The following SLC15A5 variants were observed in gnomAD, a reference collection of about 807,000 sequenced individuals.
SLC15A5 encodes the protein solute carrier family 15 member 5.
SLC15A5 carries 58 observed loss-of-function variants against 56.1 expected under a neutral mutation model. That is an observed-to-expected ratio of 1.03 (90% CI 0.84 to 1.29). The LOEUF is 1.29. Among genes scored for constraint, SLC15A5 ranks in the 50% most tolerant of loss-of-function variants. SLC15A5 has a pLI of 0.00. For missense variants in SLC15A5, 681 were observed against 672.1 expected (o/e 1.01, Z -0.15); for synonymous variants, 264 against 250.5 (o/e 1.05, Z -0.51).
At chr12:16,229,256 G>T (rs779440107) in intron 5 of SLC15A5, among the ~76,000 whole-genome samples, 1 of 152,204 alleles carries the variant, frequency 6.6e-6, no homozygotes, top group Non-Finnish European at 1.5e-5. Flanking sequence ...TCTTGCCTAT[G>T]CTTGTTACTT....
intron 7 of SLC15A5, among the ~76,000 whole-genome samples, chr12:16,214,178 A>G (rs908608067): frequency 5.3e-5 from 8 of 152,246 alleles, no homozygotes; most frequent in Non-Finnish European, 1.0e-4. Flanking sequence ...TAATGCATGT[A>G]AAAGCTCCTA....
Position 16,257,737 on chromosome 12 carries a change from T to G in SLC15A5, c.718A>C (p.Met240Leu). 1 of 1,520,782 alleles carries G rather than the reference T, an allele frequency of 6.6e-7. No individual in the cohort carries two copies. 94.2% of individuals were successfully genotyped at this position (1,520,782 alleles called of 1,614,324 possible). ...SMLMAVITLH[M>L]IYYNLIYQSE... ...TGATAAATTAGGTTGTAGTATATCA[T>G]ATGAAGAGTTATCACAGCCATAAGC... The change falls in exon 3 of 9, where the codon ATG becomes CTG. Residue 240 changes from methionine to leucine, a missense_variant. Coordinates refer to ENST00000344941, the MANE Select transcript of SLC15A5 (RefSeq NM_001170798.1).
chr12:16,202,483 C>T (rs1197148710), intron 7 of SLC15A5, among the ~76,000 whole-genome samples: 2 of 152,092 alleles, frequency 1.3e-5, no homozygotes, highest in African/African-American at 4.8e-5. Context: ...AACCTTAGTA[C>T]ACTGTTGGTG....
At chr12:16,197,879 C>T (rs1457874772) in intron 7 of SLC15A5, among the ~76,000 whole-genome samples, 7 of 151,756 alleles carry the variant, frequency 4.6e-5, no homozygotes, top group Admixed American at 4.6e-4. Context: ...TGTCGTAATT[C>T]ACATTTGTGC....
chr12:16,199,133 G>A (rs147574257), intron 7 of SLC15A5, among the ~76,000 whole-genome samples: 5 of 151,980 alleles, frequency 3.3e-5, no homozygotes, highest in Non-Finnish European at 7.4e-5. Context: ...GAACCAGCCT[G>A]TCACCACAGC....
rs139782386 is a variant in SLC15A5 at position 16,250,429 on chromosome 12, C to A, written c.755-5629G>T. Among the ~76,000 whole-genome samples, 1,130 of 152,020 alleles carry A rather than the reference C, an allele frequency of 7.4e-3. 13 individuals are homozygous for A. The highest frequency in any genetic ancestry group is 0.026 in the African/African-American group (1,077 of 41,478). On this transcript the variant is annotated intron_variant, in intron 3 of 8. Transcript: ENST00000344941. ...AAAAATAAAATAACATTGGTGAATG[C>A]GCTTCATTTTTAAAAATGTAACTCA...
intron 6 of SLC15A5, among the ~76,000 whole-genome samples, chr12:16,218,217 T>C (rs1222116930): frequency 2.6e-5 from 4 of 151,990 alleles, no homozygotes; most frequent in African/African-American, 7.3e-5. Flanking sequence ...CTATTATATA[T>C]GTGTGCCAAA....
chr12:16,233,131 T>G (rs991445882), intron 5 of SLC15A5, among the ~76,000 whole-genome samples: 1 of 152,186 alleles, frequency 6.6e-6, no homozygotes, highest in Non-Finnish European at 1.5e-5. Context: ...CTGACTAATT[T>G]GAGGTAATTT....
intron 7 of SLC15A5, among the ~76,000 whole-genome samples, chr12:16,205,484 G>A (rs867734137): frequency 1.4e-5 from 2 of 148,128 alleles, no homozygotes; most frequent in African/African-American, 5.0e-5. Context: ...AATATTTATA[G>A]CATGAAAAAT....
In SLC15A5 at chr12:16,224,616, A is replaced by G; in HGVS notation, c.1163-14T>C. On this transcript the variant is annotated splice_polypyrimidine_tract_variant and intron_variant, in intron 5 of 8. Transcript: ENST00000344941. ...GATTTCCAGCAACTGAAGGAAAATA[A>G]TGCAAAAGAAAAAAAAGTTAAACGA... The G allele has an allele frequency of 6.6e-7, 1 of 1,521,242 alleles. No individual in the cohort carries two copies. The highest frequency in any genetic ancestry group is 1.2e-5 in the South Asian group (1 of 82,052). The allele number at this position is 1,521,242 out of a possible 1,614,324, so 94.2% of individuals were successfully genotyped here. A position where few individuals can be genotyped will look rare whatever the true frequency, so the allele number is the denominator to read the frequency against.
intron 5 of SLC15A5, among the ~76,000 whole-genome samples, chr12:16,229,191 A>G (rs1199159895): frequency 6.6e-6 from 1 of 152,160 alleles, no homozygotes; most frequent in East Asian, 1.9e-4. Flanking sequence ...AATTCCTTCT[A>G]TGGGTGTCCA....
At chr12:16,267,092 T>TG (rs1214121218) in intron 2 of SLC15A5, among the ~76,000 whole-genome samples, 3 of 152,224 alleles carry the variant, frequency 2.0e-5, no homozygotes, top group Non-Finnish European at 2.9e-5. Flanking sequence ...TTACTTTTGG[T>TG]GATTTGAAGA....
chr12:16,227,227 CG>C (rs1463340947), intron 5 of SLC15A5, among the ~76,000 whole-genome samples: 2 of 152,202 alleles, frequency 1.3e-5, no homozygotes, highest in Non-Finnish European at 2.9e-5. Context: ...CTTCCGTAAA[CG>C]GCTCACATAA....
intron 5 of SLC15A5, among the ~76,000 whole-genome samples, chr12:16,230,897 T>G (rs1032495369): frequency 6.7e-6 from 1 of 149,466 alleles, no homozygotes; most frequent in Non-Finnish European, 1.5e-5. Context: ...CACTCCAGCC[T>G]AGGCTGCAGA....
intron 1 of SLC15A5, among the ~76,000 whole-genome samples, chr12:16,274,066 C>G (rs559802873): frequency 6.6e-6 from 1 of 151,584 alleles, no homozygotes; most frequent in Non-Finnish European, 1.5e-5. Context: ...TTATACTTTT[C>G]CAACATGATT....
intron 3 of SLC15A5, among the ~76,000 whole-genome samples, chr12:16,247,246 T>G (rs1300023698): frequency 6.6e-6 from 1 of 152,106 alleles, no homozygotes; most frequent in Non-Finnish European, 1.5e-5. Flanking sequence ...TATAGTGATA[T>G]GAAGCAACAA....
rs1254035782 is a variant in SLC15A5, at chr12:16,243,445, G to A, written c.975+1135C>T. Among the ~76,000 whole-genome samples the A allele has an allele frequency of 2.0e-5, 3 of 152,124 alleles. No homozygotes were observed. Among genetic ancestry groups the A allele is most frequent in the Admixed American group, 2.0e-4 (3 of 15,266 alleles). ...GCTGGTTTCGAATTCCCGATCTCAGGTAATCTGCCTGCCTCGGCCTCCCAA... is the reference window on the plus strand; with the variant it reads ...GCTGGTTTCGAATTCCCGATCTCAGATAATCTGCCTGCCTCGGCCTCCCAA... On this transcript the variant is annotated intron_variant, in intron 4 of 8. Transcript: ENST00000344941. The surrounding 1 kb of genome is among the most constrained non-coding windows in gnomAD (Gnocchi z 4.4).
chr12:16,226,417 A>G (rs1240330426), intron 5 of SLC15A5, among the ~76,000 whole-genome samples: 2 of 152,170 alleles, frequency 1.3e-5, no homozygotes, highest in Non-Finnish European at 2.9e-5. Flanking sequence ...TTCCCAGAAA[A>G]GAGATATCAT....
chr12:16,190,879 A>G (rs1845009329), intron 8 of SLC15A5, among the ~76,000 whole-genome samples: 1 of 152,140 alleles, frequency 6.6e-6, no homozygotes, highest in South Asian at 2.1e-4. Context: ...AACAAGTGCA[A>G]TATCAACTTT....
Sources: gnomAD v4.1 joint callset for allele counts (sites outside exome capture counted in the v4.1 genomes callset) on GRCh38, gnomAD v4.1.1 for gene constraint, Gnocchi (gnomAD v3.1) non-coding constraint, MANE v1.5 for transcripts, NCBI Gene and HGNC (gene_info 2026-07-23, HGNC 2026-07-21) for gene names.